The following RBFOX1 variants were observed in gnomAD, a reference collection of about 807,000 sequenced individuals.
RBFOX1 encodes the protein RNA binding fox-1 homolog 1.
In RBFOX1, 8 loss-of-function variants were observed where a neutral mutation model predicts 57.7. The observed-to-expected ratio is 0.14, with a 90% CI of 0.08 to 0.25. The LOEUF (loss-of-function observed/expected upper bound fraction) is 0.25. Ranked by LOEUF, RBFOX1 falls within the 10% of genes least tolerant of loss-of-function variation. The probability of loss-of-function intolerance (pLI) is 1.00; values close to 1 mark genes in which losing one functional copy is unlikely to be tolerated. For missense variants in RBFOX1, 611 were observed against 548.5 expected, an observed-to-expected ratio of 1.11 and a Z score of -1.14; for synonymous variants, 326 against 222.4, an observed-to-expected ratio of 1.47 and a Z score of -4.15.
At chr16:7,157,916 C>A (rs920673295) in intron 4 of RBFOX1, among the ~76,000 whole-genome samples, 1 of 152,148 alleles carries the variant, frequency 6.6e-6, no homozygotes, top group Non-Finnish European at 1.5e-5. Flanking sequence ...TTCCGAGGAG[C>A]TGTGTTTGCT....
At chr16:7,290,179 T>C (rs1390394377) in intron 4 of RBFOX1, among the ~76,000 whole-genome samples, 1 of 152,196 alleles carries the variant, frequency 6.6e-6, no homozygotes, top group Non-Finnish European at 1.5e-5. Context: ...AGATGCATTT[T>C]ATGACTTCAA....
intron 4 of RBFOX1, among the ~76,000 whole-genome samples, chr16:5,922,824 C>T (rs2058853518): frequency 6.6e-6 from 1 of 152,216 alleles, no homozygotes; most frequent in Non-Finnish European, 1.5e-5. Flanking sequence ...GTGAGCCCAG[C>T]CACAGAAGGA....
At chr16:7,264,926 C>G (rs1199162614) in intron 4 of RBFOX1, among the ~76,000 whole-genome samples, 1 of 152,208 alleles carries the variant, frequency 6.6e-6, no homozygotes, top group African/African-American at 2.4e-5. Context: ...ATCCATCAGG[C>G]CAAGAGTCCA....
intron 1 of RBFOX1, among the ~76,000 whole-genome samples, chr16:6,148,793 G>C (rs895107948): frequency 2.0e-5 from 3 of 152,178 alleles, no homozygotes; most frequent in African/African-American, 7.2e-5. Flanking sequence ...CACAAGGGTG[G>C]AGTGGGGATG....
chr16:7,193,898 A>G (rs867573679), intron 4 of RBFOX1, among the ~76,000 whole-genome samples: 5 of 152,210 alleles, frequency 3.3e-5, no homozygotes, highest in African/African-American at 9.6e-5. Context: ...AGTTGACTGG[A>G]AGGATAAGAT....
intron 3 of RBFOX1, among the ~76,000 whole-genome samples, chr16:6,719,445 GTT>G (rs35154093): frequency 0.11 from 15,799 of 145,102 alleles, 1,196 homozygotes; most frequent in East Asian, 0.28. Flanking sequence ...AAAATAACCT[GTT>G]TTTTTTTTTT....
chr16:6,381,551 C>G (rs1369454622), intron 2 of RBFOX1, among the ~76,000 whole-genome samples: 1 of 152,164 alleles, frequency 6.6e-6, no homozygotes. Context: ...AGGAATGATA[C>G]AAAATAAGAT....
intron 6 of RBFOX1, among the ~76,000 whole-genome samples, chr16:7,583,443 C>T (rs1333738222): frequency 6.6e-6 from 1 of 152,160 alleles, no homozygotes; most frequent in Non-Finnish European, 1.5e-5. Context: ...GGATTTCTAA[C>T]AAATTAATTG....
At chr16:7,040,397 A>G (rs915875317) in intron 3 of RBFOX1, among the ~76,000 whole-genome samples, 1 of 152,190 alleles carries the variant, frequency 6.6e-6, no homozygotes, top group African/African-American at 2.4e-5. Context: ...TACAAATAAC[A>G]TCTCATTTAA....
At chr16:6,305,945 T>A (rs544716314) in intron 1 of RBFOX1, among the ~76,000 whole-genome samples, 1 of 152,254 alleles carries the variant, frequency 6.6e-6, no homozygotes, top group Non-Finnish European at 1.5e-5. Flanking sequence ...AAGAAGGAGC[T>A]GTCAGTGCAG....
At chr16:5,432,415 C>T (rs934148336) in intron 1 of RBFOX1, among the ~76,000 whole-genome samples, 10 of 152,178 alleles carry the variant, frequency 6.6e-5, no homozygotes, top group South Asian at 2.1e-4. Flanking sequence ...AACTAGAAGA[C>T]GCACCCGTAT....
intron 3 of RBFOX1, among the ~76,000 whole-genome samples, chr16:6,737,216 A>G (rs188642114): frequency 3.3e-5 from 5 of 152,294 alleles, no homozygotes; most frequent in African/African-American, 1.2e-4. Flanking sequence ...AAATAACTCA[A>G]TGTAATTTAA....
At chr16:6,892,176 G>A (rs762396284) in intron 3 of RBFOX1, among the ~76,000 whole-genome samples, 3 of 152,080 alleles carry the variant, frequency 2.0e-5, no homozygotes, top group East Asian at 1.9e-4. Flanking sequence ...TTCCCTTGGC[G>A]ATTTTATGCA....
In RBFOX1 at chr16:5,950,684, A is replaced by G. The variant is rs574675427; in HGVS notation, c.351+83349A>G. Among the ~76,000 whole-genome samples, 86 of 152,244 alleles carry G rather than the reference A, an allele frequency of 5.6e-4. 1 individual carries two copies. The highest frequency in any genetic ancestry group is 2.2e-4 in the Non-Finnish European group (15 of 68,022). ...ACCTGGCCAAGCTCTTCTTCCATCTATGTCTCTTCCCAGTCCAGCAAACAT... is the reference window on the plus strand; with the variant it reads ...ACCTGGCCAAGCTCTTCTTCCATCTGTGTCTCTTCCCAGTCCAGCAAACAT... On this transcript the variant is annotated intron_variant, in intron 4 of 19. Coordinates refer to the RBFOX1 transcript ENST00000641259.
chr16:7,239,563 G>T (rs544363777), intron 4 of RBFOX1, among the ~76,000 whole-genome samples: 1 of 152,228 alleles, frequency 6.6e-6, no homozygotes, highest in South Asian at 2.1e-4. Flanking sequence ...AAATTGTCCT[G>T]TCAAGACCAT....
chr16:7,457,645 A>T (rs773113458), intron 4 of RBFOX1, among the ~76,000 whole-genome samples: 104 of 152,222 alleles, frequency 6.8e-4, no homozygotes, highest in South Asian at 1.9e-3. Flanking sequence ...CACAGGTATC[A>T]AATCCCCTTT....
intron 5 of RBFOX1, among the ~76,000 whole-genome samples, chr16:7,529,022 G>A (rs1318854968): frequency 6.6e-6 from 1 of 152,208 alleles, no homozygotes; most frequent in Non-Finnish European, 1.5e-5. Flanking sequence ...ACTTTGGGAG[G>A]CCAAAGCAGA....
At chr16:6,812,480 T>C (rs534009697) in intron 3 of RBFOX1, among the ~76,000 whole-genome samples, 1 of 152,118 alleles carries the variant, frequency 6.6e-6, no homozygotes, top group African/African-American at 2.4e-5. Flanking sequence ...TTCAAGTGAT[T>C]CTCTTGCCAT....
At chr16:6,414,700 C>T (rs770034865) in intron 2 of RBFOX1, among the ~76,000 whole-genome samples, 1 of 152,150 alleles carries the variant, frequency 6.6e-6, no homozygotes, top group Non-Finnish European at 1.5e-5. Flanking sequence ...TGTCACCGGC[C>T]CTGTACATAT....
Sources: allele counts gnomAD v4.1 joint callset (sites outside exome capture counted in the v4.1 genomes callset), GRCh38; gene constraint gnomAD v4.1.1; transcripts MANE v1.5; gene names NCBI Gene and HGNC (gene_info 2026-07-23, HGNC 2026-07-21).